TBCD: variants seen among roughly 807,000 people sequenced by gnomAD.
TBCD encodes the protein tubulin-specific chaperone D.
A neutral mutation model predicts 169.3 loss-of-function variants in TBCD; 105 were observed. That is an observed-to-expected ratio of 0.62 (90% CI 0.53 to 0.73). The LOEUF is 0.73. Ranked by LOEUF, TBCD falls within the 30% of genes least tolerant of loss-of-function variation. The pLI is 0.00. For synonymous variants in TBCD, 700 were observed against 643.9 expected (o/e 1.09, Z -1.32); for missense variants, 1,444 against 1,600.1 (o/e 0.90, Z 1.66).
rs2147756602 is a variant in TBCD at position 82,945,643 on chromosome 17, A to AAT, written c.*3183_*3184dup. The AAT allele has an allele frequency of 6.6e-6, 1 of 152,338 alleles. No homozygotes were observed. Among genetic ancestry groups the AAT allele is most frequent in the South Asian group, 2.1e-4 (1 of 4,824 alleles). 9.4% of individuals were successfully genotyped at this position (152,338 alleles called of 1,614,324 possible). A position where few individuals can be genotyped will look rare whatever the true frequency, so the allele number is the denominator to read the frequency against. On this transcript the variant is annotated 3_prime_UTR_variant, in exon 39 of 39. Transcript: ENST00000355528. ...CTGTTTGGTTTTTTAATCTTGGCTT[A>AAT]ATATTTGGGGTTGAGTCATTTGTTT...
intron 13 of TBCD, among the ~76,000 whole-genome samples, chr17:82,844,145 T>C (rs1417095906): frequency 6.6e-6 from 1 of 151,714 alleles, no homozygotes; most frequent in Non-Finnish European, 1.5e-5. Context: ...TTTTCTTATC[T>C]AAGGATTTTA....
chr17:82,869,615 C>A (rs937511807), intron 13 of TBCD, among the ~76,000 whole-genome samples: 1 of 152,232 alleles, frequency 6.6e-6, no homozygotes, highest in African/African-American at 2.4e-5. Flanking sequence ...CCACACCTAC[C>A]TCGGATTTCT....
At chr17:82,858,588 G>C (rs1325911996) in intron 13 of TBCD, 2 of 985,346 alleles carry the variant, frequency 2.0e-6, no homozygotes, top group African/African-American at 3.5e-5. Context: ...TGATGACAGT[G>C]CTGTGTGGAC....
At chr17:82,873,381 C>T (rs777483545) in intron 14 of TBCD, among the ~76,000 whole-genome samples, 19 of 152,008 alleles carry the variant, frequency 1.2e-4, no homozygotes, top group Admixed American at 3.9e-4. Flanking sequence ...TAGGTGGGCA[C>T]GGAACCCAGG....
intron 13 of TBCD, among the ~76,000 whole-genome samples, chr17:82,846,713 C>T (rs77512810): frequency 0.12 from 18,543 of 149,312 alleles, 1,460 homozygotes; most frequent in Non-Finnish European, 0.17. Context: ...AGCCCAGGAG[C>T]GGGTCACAGC....
In TBCD at chr17:82,911,763, T is replaced by G; in HGVS notation, c.2012T>G (p.Leu671Arg). The change falls in exon 23 of 39, where the codon CTG (leucine) becomes CGG (arginine). Residue 671 changes from leucine (L) to arginine (R), a missense_variant. Coordinates refer to ENST00000355528, the MANE Select transcript of TBCD (RefSeq NM_005993.5). Reference sequence around the variant, plus strand: ...ATGTTTTCATTCCTTTTCAGGGGTCTGGGAGGACAGCTCATGAGACAAGCA... The same window carrying G: ...ATGTTTTCATTCCTTTTCAGGGGTCGGGGAGGACAGCTCATGAGACAAGCA... ...QLYDRQLYRG[L>R]GGQLMRQAVC... 1 of 1,613,952 alleles carries G rather than the reference T, an allele frequency of 6.2e-7. No individual in the cohort carries two copies. The highest frequency in any genetic ancestry group is 8.5e-7 in the Non-Finnish European group (1 of 1,179,872).
At chr17:82,786,535 C>T (rs2144401521) in intron 7 of TBCD, among the ~76,000 whole-genome samples, 1 of 152,334 alleles carries the variant, frequency 6.6e-6, no homozygotes, top group Admixed American at 6.5e-5. Context: ...CTCTGCCGTC[C>T]CCACCCCATG....
intron 15 of TBCD, among the ~76,000 whole-genome samples, chr17:82,885,213 G>A (rs1431515278): frequency 1.3e-5 from 2 of 151,788 alleles, no homozygotes; most frequent in East Asian, 1.9e-4. Context: ...GGGACCAGGC[G>A]GAAGGGGTGC....
At chr17:82,801,845 C>T (rs1426693463) in intron 9 of TBCD, among the ~76,000 whole-genome samples, 13 of 139,678 alleles carry the variant, frequency 9.3e-5, no homozygotes, top group African/African-American at 3.3e-4. Context: ...TCGTGTGGTT[C>T]GGAGTCAGCG....
chr17:82,810,852 G>C (rs1826783710), intron 12 of TBCD, among the ~76,000 whole-genome samples: 1 of 152,226 alleles, frequency 6.6e-6, no homozygotes, highest in Non-Finnish European at 1.5e-5. Context: ...CAGCTCCGGA[G>C]CCGTTCACAA....
intron 4 of TBCD, among the ~76,000 whole-genome samples, 176 bp from the exon 5 acceptor site, chr17:82,768,244 G>A (rs749139567): frequency 1.3e-5 from 2 of 152,080 alleles, no homozygotes; most frequent in Admixed American, 1.3e-4. Flanking sequence ...GGATTCCGGG[G>A]GGGATGTGGC....
At chr17:82,828,447 A>T (rs968179552) in intron 13 of TBCD, among the ~76,000 whole-genome samples, 1 of 149,110 alleles carries the variant, frequency 6.7e-6, no homozygotes, top group Non-Finnish European at 1.5e-5. Flanking sequence ...CACGCACACG[A>T]TTGAATATGC....
chr17:82,921,489 A>AT lies in TBCD; in HGVS notation c.2102-6dup, dbSNP rs758222784. On this transcript the variant is annotated splice_polypyrimidine_tract_variant and intron_variant, in intron 24 of 38. Transcript: ENST00000355528. ...TTGATTGCCTGGGTACGCTAACTTG[A>AT]TTTTTTGACAGATGGTTGGCAATGG... The AT allele has an allele frequency of 1.9e-6, 3 of 1,613,686 alleles. No homozygotes were observed. Among genetic ancestry groups the AT allele is most frequent in the African/African-American group, 2.7e-5 (2 of 74,912 alleles).
chr17:82,857,580 T>A (rs961709257), intron 13 of TBCD, among the ~76,000 whole-genome samples: 1 of 152,152 alleles, frequency 6.6e-6, no homozygotes, highest in Non-Finnish European at 1.5e-5. Flanking sequence ...AAAAGTATTT[T>A]GTTTTTTTGT....
intron 7 of TBCD, among the ~76,000 whole-genome samples, chr17:82,783,131 C>T (rs1030848525): frequency 6.7e-6 from 1 of 148,964 alleles, no homozygotes; most frequent in African/African-American, 2.5e-5. Context: ...GGGGTGGGGG[C>T]ATACGTTTCT....
In TBCD at chr17:82,752,087, G is replaced by T; in HGVS notation, c.-107G>T. On this transcript the variant is annotated 5_prime_UTR_variant, in exon 1 of 39. Coordinates refer to ENST00000355528, the MANE Select transcript of TBCD (RefSeq NM_005993.5). ...GGGGCCAGCGTCGGTTGCCGCCTTA[G>T]CGGGCGCCTCCTTTTCATCCCTCAT... 1.6e-6 allele frequency: 2 copies of T among 1,255,734 alleles called. No homozygotes were observed. The highest frequency in any genetic ancestry group is 2.1e-6 in the Non-Finnish European group (2 of 965,478). The allele number at this position is 1,255,734 out of a possible 1,614,324, so 77.8% of individuals were successfully genotyped here.
At chr17:82,774,627 G>T (rs1011577660) in intron 6 of TBCD, among the ~76,000 whole-genome samples, 1 of 152,076 alleles carries the variant, frequency 6.6e-6, no homozygotes, top group Admixed American at 6.5e-5. Context: ...CTTGGCGGCC[G>T]GGCAGAGGCA....
Position 82,880,828 on chromosome 17 carries a change from G to A in TBCD, c.1476-3317G>A, listed in dbSNP as rs139794998. Among the ~76,000 whole-genome samples the A allele has an allele frequency of 1.2e-3, 189 of 152,328 alleles. 1 individual carries two copies. The highest frequency in any genetic ancestry group is 4.3e-3 in the African/African-American group (178 of 41,578). ...GTACGTGAGGGACTTTGTTGTTGCC[G>A]TCTCCCCAGGGTGCAGAGCGTGGTG... On this transcript the variant is annotated intron_variant, in intron 14 of 38. Coordinates refer to ENST00000355528, the MANE Select transcript of TBCD (RefSeq NM_005993.5). This position sits in a 1 kb window ranked among gnomAD's most constrained non-coding sequence, Gnocchi z 5.0.
intron 4 of TBCD, among the ~76,000 whole-genome samples, chr17:82,767,758 C>G (rs1173296064): frequency 6.6e-6 from 1 of 152,098 alleles, no homozygotes; most frequent in Admixed American, 6.5e-5. Flanking sequence ...AGATCGAGAC[C>G]ATCCTGGCTA....
Sources: gnomAD v4.1 joint callset for allele counts (sites outside exome capture counted in the v4.1 genomes callset) on GRCh38, gnomAD v4.1.1 for gene constraint, Gnocchi (gnomAD v3.1) non-coding constraint, MANE v1.5 for transcripts, NCBI Gene and HGNC (gene_info 2026-07-23, HGNC 2026-07-21) for gene names.